Variants in BACH2 observed in about 807,000 individuals in gnomAD.
The protein encoded by BACH2 is transcription regulator protein BACH2.
In BACH2, 5 loss-of-function variants were observed where a neutral mutation model predicts 61.8. The observed-to-expected ratio is 0.08, with a 90% CI of 0.04 to 0.17. BACH2 has a LOEUF of 0.17. BACH2 is among the 10% of genes least tolerant of loss of function. BACH2 has a pLI of 1.00. For missense variants in BACH2, 824 were observed against 1,091.1 expected (o/e 0.76, Z 3.45); for synonymous variants, 446 against 440.1 (o/e 1.01, Z -0.17).
At chr6:90,087,801 T>A (rs1782000308) in intron 5 of BACH2, among the ~76,000 whole-genome samples, 2 of 152,016 alleles carry the variant, frequency 1.3e-5, no homozygotes, top group Non-Finnish European at 2.9e-5. Context: ...GATGTTTTGA[T>A]ACAGGCATGC....
chr6:90,021,243 T>A (rs537485125), intron 5 of BACH2, among the ~76,000 whole-genome samples: 1 of 148,590 alleles, frequency 6.7e-6, no homozygotes, highest in African/African-American at 2.5e-5. Flanking sequence ...TATCGGGTCA[T>A]ATTCAGAAAT....
At chr6:90,002,794 A>G (rs1285989482) in intron 6 of BACH2, among the ~76,000 whole-genome samples, 1 of 151,914 alleles carries the variant, frequency 6.6e-6, no homozygotes, top group South Asian at 2.1e-4. Flanking sequence ...AAAATAAACA[A>G]AACTCCCAAT....
Position 89,991,640 on chromosome 6 carries a change from T to C in BACH2, c.243+16962A>G, listed in dbSNP as rs545753939. On this transcript the variant is annotated intron_variant, in intron 6 of 8. Transcript: ENST00000257749. The stretch of plus-strand genomic sequence containing the variant: ...ATTTTTCCACCTAAAAAAAGTAATG[T>C]TGATACAATATTATAAATTAATATA... Among the ~76,000 whole-genome samples, 12 of 152,298 alleles carry C rather than the reference T, an allele frequency of 7.9e-5. No individual in the cohort carries two copies. In the South Asian group the frequency reaches 2.3e-3, roughly 29 times the overall value.
chr6:90,087,893 C>T (rs543938692), intron 5 of BACH2, among the ~76,000 whole-genome samples: 18 of 152,134 alleles, frequency 1.2e-4, no homozygotes, highest in Admixed American at 2.6e-4. Context: ...AATCCAATTA[C>T]ACATTTTACT....
At chr6:90,166,765 T>C (rs1767632819) in intron 4 of BACH2, among the ~76,000 whole-genome samples, 1 of 152,052 alleles carries the variant, frequency 6.6e-6, no homozygotes, top group African/African-American at 2.4e-5. Flanking sequence ...GGGACATGGA[T>C]GGAAGCTGGA....
At chr6:89,953,031 A>C (rs1389657199) in intron 6 of BACH2, 3 of 152,248 alleles carry the variant, frequency 2.0e-5, no homozygotes, top group South Asian at 2.1e-4. Flanking sequence ...AGCAGCAATC[A>C]TGGGGTCCTT....
chr6:90,074,773 G>A (rs1781397077), intron 5 of BACH2, among the ~76,000 whole-genome samples: 1 of 152,140 alleles, frequency 6.6e-6, no homozygotes, highest in South Asian at 2.1e-4. Flanking sequence ...AGGACTCAAA[G>A]CTCAAGTTCA....
intron 1 of BACH2, among the ~76,000 whole-genome samples, chr6:90,286,460 T>C (rs765432140): frequency 1.4e-4 from 21 of 152,174 alleles, no homozygotes; most frequent in Non-Finnish European, 2.6e-4. Flanking sequence ...CCCACAGAAA[T>C]AGGGCCAGGC....
intron 4 of BACH2, among the ~76,000 whole-genome samples, chr6:90,103,029 A>ATATTTTTTTTTTTTTTTT: frequency 4.7e-5 from 1 of 21,164 alleles, no homozygotes; most frequent in Non-Finnish European, 8.0e-5. Context: ...ATATATATAT[A>ATATTTTTTTTTTTTTTTT]TTTTTTTTTT....
chr6:89,944,676 T>TCCCTTCTCTCTCTCTCTCTC (rs1384341874), intron 7 of BACH2, among the ~76,000 whole-genome samples: 4 of 151,576 alleles, frequency 2.6e-5, no homozygotes, highest in Non-Finnish European at 5.9e-5. Flanking sequence ...ATCTCTCTCT[T>TCCCTTCTCTCTCTCTCTCTC]CCCTTCTCTC....
In BACH2 at chr6:90,127,062, C is replaced by T. The variant is rs192818505; in HGVS notation, c.-161-37953G>A. ...ACACTGCAAAAGTGTTTACTGCTCA[C>T]AAGTGACGCTCAAAATTAATTCACA... On this transcript the variant is annotated intron_variant, in intron 4 of 8. Transcript: ENST00000257749. Among the ~76,000 whole-genome samples, 69 of 152,302 alleles carry T rather than the reference C, an allele frequency of 4.5e-4. 1 individual carries two copies. Among genetic ancestry groups the T allele is most frequent in the African/African-American group, 1.4e-3 (58 of 41,564 alleles).
chr6:90,059,266 A>T (rs1780549429), intron 5 of BACH2, among the ~76,000 whole-genome samples: 1 of 152,278 alleles, frequency 6.6e-6, no homozygotes, highest in South Asian at 2.1e-4. Flanking sequence ...ATGAACTCCA[A>T]CAAATTTACA....
At chr6:90,160,342 G>A (rs1010538645) in intron 4 of BACH2, among the ~76,000 whole-genome samples, 1 of 152,178 alleles carries the variant, frequency 6.6e-6, no homozygotes, top group Non-Finnish European at 1.5e-5. Flanking sequence ...GTGCATGTGT[G>A]GGCTGTAGGG....
In BACH2 at chr6:90,022,793, T is replaced by C. The variant is rs547355001; in HGVS notation, c.-12-13937A>G. On this transcript the variant is annotated intron_variant, in intron 5 of 8. Transcript: ENST00000257749. ...TGCATTGATGGTCAGATCAACTTCT[T>C]TGGAAAACAGTTTGGCATTATCTAG... 2.0e-5 allele frequency among the ~76,000 whole-genome samples: 3 copies of C among 152,332 alleles called. No homozygotes were observed. In the East Asian group the frequency reaches 5.8e-4, roughly 29 times the overall value.
At chr6:89,938,894 C>T (rs1005346456) in intron 7 of BACH2, among the ~76,000 whole-genome samples, 5 of 152,118 alleles carry the variant, frequency 3.3e-5, no homozygotes, top group Admixed American at 1.3e-4. Context: ...TCAAAAGAAC[C>T]GGGCTTTCAT....
chr6:90,139,881 G>A (rs1784407129), intron 4 of BACH2, among the ~76,000 whole-genome samples: 1 of 152,170 alleles, frequency 6.6e-6, no homozygotes, highest in Non-Finnish European at 1.5e-5. Flanking sequence ...AGACGGTTAA[G>A]CCAGACTCCA....
chr6:90,229,021 C>T (rs1266003311), intron 3 of BACH2, among the ~76,000 whole-genome samples: 1 of 152,168 alleles, frequency 6.6e-6, no homozygotes, highest in African/African-American at 2.4e-5. Flanking sequence ...TGAGTTCTAT[C>T]CATGAGGTGA....
intron 6 of BACH2, among the ~76,000 whole-genome samples, chr6:89,972,231 G>A (rs1310594768): frequency 6.6e-6 from 1 of 152,150 alleles, no homozygotes; most frequent in Non-Finnish European, 1.5e-5. Context: ...TGTTGCGCAG[G>A]AGAGTATGAG....
intron 2 of BACH2, among the ~76,000 whole-genome samples, chr6:90,268,689 A>G (rs1343732983): frequency 1.3e-5 from 2 of 152,188 alleles, no homozygotes; most frequent in Admixed American, 6.5e-5. Context: ...CTGGAAATTA[A>G]AAACAAAACT....
Sources: allele counts gnomAD v4.1 joint callset (sites outside exome capture counted in the v4.1 genomes callset), GRCh38; gene constraint gnomAD v4.1.1; transcripts MANE v1.5; gene names NCBI Gene and HGNC (gene_info 2026-07-23, HGNC 2026-07-21).